Variants in HIVEP3 observed in about 807,000 individuals in gnomAD.
HIVEP3 encodes transcription factor HIVEP3.
In HIVEP3, 49 loss-of-function variants were observed where a neutral mutation model predicts 152.8. The ratio of observed to expected loss-of-function variants is 0.32; its 90% CI spans 0.26 to 0.41. The LOEUF is 0.41. Among genes scored for constraint, HIVEP3 ranks in the 10% least tolerant of loss-of-function variants. HIVEP3 has a pLI of 1.00. For synonymous variants in HIVEP3, 1,269 were observed against 1,289.0 expected, an observed-to-expected ratio of 0.98 and a Z score of 0.33; for missense variants, 2,790 against 3,103.3, an observed-to-expected ratio of 0.90 and a Z score of 2.40.
At chr1:41,927,037 T>C (rs1457947280) in intron 1 of HIVEP3, among the ~76,000 whole-genome samples, 1 of 152,222 alleles carries the variant, frequency 6.6e-6, no homozygotes, top group Non-Finnish European at 1.5e-5. Context: ...CAGGCGAGGA[T>C]GTAGCCTTGT....
intron 1 of HIVEP3, among the ~76,000 whole-genome samples, chr1:41,957,086 T>C (rs660883): frequency 0.52 from 79,684 of 151,990 alleles, 21,088 homozygotes; most frequent in East Asian, 0.71. Flanking sequence ...CAGTGATTTA[T>C]TTTTCATCCT....
intron 1 of HIVEP3, among the ~76,000 whole-genome samples, chr1:41,748,135 T>C (rs1413090450): frequency 6.6e-6 from 1 of 152,240 alleles, no homozygotes; most frequent in Non-Finnish European, 1.5e-5. Context: ...AAGGTGAGAC[T>C]GGTCACAAAT....
At position 41,582,767 on chromosome 1, in the gene HIVEP3, T is replaced by C. The variant is rs1266827741; in HGVS notation, c.2031A>G (p.Ala677=). The C allele has an allele frequency of 6.2e-7, 1 of 1,614,244 alleles. No individual in the cohort carries two copies. The highest frequency in any genetic ancestry group is 1.1e-5 in the South Asian group (1 of 91,084). The change falls in exon 4 of 9, where the codon GCA becomes GCG. Residue 677 remains alanine, a synonymous_variant. Coordinates refer to ENST00000372583, the MANE Select transcript of HIVEP3 (RefSeq NM_024503.5). The surrounding 1 kb of genome is among the most constrained non-coding windows in gnomAD (Gnocchi z 4.7). Reference sequence around the variant, plus strand: ...CAGCTTCTGGAGATGTGTGGGTGCCTGCAGAGATGGGCTTTGCGATCTGAA... The same window carrying C: ...CAGCTTCTGGAGATGTGTGGGTGCCCGCAGAGATGGGCTTTGCGATCTGAA... ...SELQIAKPIS[A]GTHTSPEAEK...
chr1:41,779,767 G>A (rs1417883976), intron 1 of HIVEP3, among the ~76,000 whole-genome samples: 2 of 152,308 alleles, frequency 1.3e-5, no homozygotes, highest in East Asian at 3.9e-4. Flanking sequence ...AAAGTGCTGG[G>A]ATTAAAGGCG....
chr1:41,688,817 A>G (rs12759633), intron 2 of HIVEP3, among the ~76,000 whole-genome samples: 1 of 149,364 alleles, frequency 6.7e-6, no homozygotes, highest in African/African-American at 2.5e-5. Context: ...CCCCAAACGG[A>G]TCTGTTTTTT....
chr1:41,939,536 T>TACTA (rs1645035683), intron 1 of HIVEP3, among the ~76,000 whole-genome samples: 1 of 152,234 alleles, frequency 6.6e-6, no homozygotes, highest in Non-Finnish European at 1.5e-5. Context: ...TTTTAAGAAT[T>TACTA]ACTACACCTC....
intron 1 of HIVEP3, among the ~76,000 whole-genome samples, chr1:41,849,677 A>G (rs965245965): frequency 6.6e-6 from 1 of 151,758 alleles, no homozygotes; most frequent in African/African-American, 2.4e-5. Context: ...GTAAGGATCC[A>G]TCAGTGGTAG....
chr1:41,824,848 A>C (rs1642748286), intron 1 of HIVEP3, among the ~76,000 whole-genome samples: 1 of 137,876 alleles, frequency 7.3e-6, no homozygotes, highest in South Asian at 2.3e-4. Context: ...GAGAGTTTAT[A>C]TATAGAGAGA....
chr1:41,519,446 A>AGCCT (rs1642699397), intron 6 of HIVEP3, among the ~76,000 whole-genome samples: 4 of 152,250 alleles, frequency 2.6e-5, no homozygotes, highest in Admixed American at 2.6e-4. Flanking sequence ...AGAGCATCCC[A>AGCCT]GCCTGCCCCA....
At position 41,581,198 on chromosome 1, in the gene HIVEP3, T is replaced by G; in HGVS notation, c.3600A>C (p.Pro1200=). Reference sequence around the variant, plus strand: ...TGAGCTGGGGGAGATGGAGTTGGCCTGGGTGCAGAACAGTAGGCTGGAGAG... The same window carrying G: ...TGAGCTGGGGGAGATGGAGTTGGCCGGGGTGCAGAACAGTAGGCTGGAGAG... ...PLPLQPTVLH[P]GQLHLPQLMP... Residue 1200 remains proline, a synonymous_variant, in exon 4 of 9, where the codon CCA becomes CCC. Coordinates refer to ENST00000372583, the MANE Select transcript of HIVEP3 (RefSeq NM_024503.5). This position sits in a 1 kb window ranked among gnomAD's most constrained non-coding sequence, Gnocchi z 4.5. The G allele has an allele frequency of 6.4e-7, 1 of 1,553,102 alleles. No homozygotes were observed. Among genetic ancestry groups the G allele is most frequent in the Non-Finnish European group, 8.7e-7 (1 of 1,149,872 alleles).
At chr1:41,792,514 C>G (rs1278936441) in intron 1 of HIVEP3, among the ~76,000 whole-genome samples, 6 of 152,204 alleles carry the variant, frequency 3.9e-5, no homozygotes, top group African/African-American at 1.4e-4. Flanking sequence ...CAGGCACTCA[C>G]AGCTGGAGGC....
intron 5 of HIVEP3, among the ~76,000 whole-genome samples, chr1:41,548,130 A>T (rs2991351): frequency 0.99 from 150,828 of 152,298 alleles, 74,700 homozygotes; most frequent in East Asian, 1. Flanking sequence ...GACCCTCCCA[A>T]TCAATGGCCT....
At chr1:42,035,912 G>T (rs1019552951) in exon 1 of HIVEP3, 1 of 150,546 alleles carries the variant, frequency 6.6e-6, no homozygotes, top group Non-Finnish European at 1.5e-5. Context: ...GAGGAGCCGT[G>T]GCGCGGCGGC....
At chr1:41,971,426 C>G (rs1007102654) in intron 1 of HIVEP3, among the ~76,000 whole-genome samples, 2 of 152,104 alleles carry the variant, frequency 1.3e-5, no homozygotes, top group Admixed American at 1.3e-4. Flanking sequence ...TTGCCAAATC[C>G]CCTCACACCT....
chr1:41,577,158 G>A (rs1644339057), intron 4 of HIVEP3, among the ~76,000 whole-genome samples: 1 of 152,194 alleles, frequency 6.6e-6, no homozygotes, highest in Non-Finnish European at 1.5e-5. Flanking sequence ...GAAACACAGT[G>A]TTGGAACTGA....
chr1:41,651,254 A>G (rs1383101323), intron 2 of HIVEP3, among the ~76,000 whole-genome samples: 1 of 152,130 alleles, frequency 6.6e-6, no homozygotes, highest in East Asian at 1.9e-4. Flanking sequence ...TACTAAAAAT[A>G]CAAGAAATTA....
At chr1:41,620,327 T>C (rs1334181436) in intron 3 of HIVEP3, among the ~76,000 whole-genome samples, 1 of 152,214 alleles carries the variant, frequency 6.6e-6, no homozygotes, top group Admixed American at 6.5e-5. Context: ...CATTTTTATT[T>C]ACCCATGACA....
chr1:41,893,801 C>A, intron 1 of HIVEP3, among the ~76,000 whole-genome samples: 1 of 145,160 alleles, frequency 6.9e-6, no homozygotes, highest in African/African-American at 2.5e-5. Flanking sequence ...ATTAAATATG[C>A]ATATTTATAT....
rs377282990 is a variant in HIVEP3, at chr1:41,512,989, C to T, written c.6232G>A (p.Glu2078Lys). The change falls in exon 8 of 9, where the codon GAG (glutamate) becomes AAG (lysine). Residue 2078 changes from glutamate (E) to lysine (K), a missense_variant. Physicochemically the swap from Glu to Lys is moderately conservative, Grantham distance 56. Around this residue, in one of 9 missense-constraint regions of HIVEP3, gnomAD observed 816 missense variants for 806.5 expected, o/e 1.01. Transcript: ENST00000372583. ...GGCGGCGCTGACCGTGGTGGTGACT[C>T]GGCCTGACCTGGAGACCATCTCCTG... The part of the protein sequence containing the change: ...PTRRWSPGQA[E>K]SPPRSAPPGK... 2.5e-5 allele frequency: 41 copies of T among 1,613,312 alleles called. No individual in the cohort carries two copies. Among genetic ancestry groups the T allele is most frequent in the South Asian group, 5.5e-5 (5 of 91,024 alleles).
Sources: allele counts gnomAD v4.1 joint callset (sites outside exome capture counted in the v4.1 genomes callset), GRCh38; gene constraint gnomAD v4.1.1; regional missense constraint gnomAD v4.1.1; non-coding constraint Gnocchi (gnomAD v3.1); transcripts MANE v1.5; gene names NCBI Gene and HGNC (gene_info 2026-07-23, HGNC 2026-07-21).